The following NRG1 variants were observed in gnomAD, a reference collection of about 807,000 sequenced individuals.
The protein encoded by NRG1 is pro-neuregulin-1, membrane-bound isoform.
NRG1 carries 18 observed loss-of-function variants against 63.8 expected under a neutral mutation model. That is an observed-to-expected ratio of 0.28 (90% CI 0.19 to 0.42). The LOEUF is 0.42. Among genes scored for constraint, NRG1 ranks in the 10% least tolerant of loss-of-function variants. NRG1 has a pLI of 1.00. For synonymous variants in NRG1, 302 were observed against 301.3 expected, an observed-to-expected ratio of 1.00 and a Z score of -0.02; for missense variants, 762 against 814.7, an observed-to-expected ratio of 0.94 and a Z score of 0.79.
intron 1 of NRG1, among the ~76,000 whole-genome samples, chr8:32,144,309 A>G (rs1213290779): frequency 6.6e-6 from 1 of 152,218 alleles, no homozygotes; most frequent in Non-Finnish European, 1.5e-5. Flanking sequence ...TTAGTTACGG[A>G]TGTCACAAAT....
At chr8:32,353,844 A>G (rs1463831708) in intron 1 of NRG1, among the ~76,000 whole-genome samples, 9 of 152,210 alleles carry the variant, frequency 5.9e-5, no homozygotes, top group African/African-American at 2.2e-4. Context: ...ATGAAAGCCT[A>G]TGTCCATACA....
chr8:31,781,533 G>A (rs1416686059), intron 1 of NRG1, among the ~76,000 whole-genome samples: 2 of 152,144 alleles, frequency 1.3e-5, no homozygotes, highest in African/African-American at 2.4e-5. Context: ...TAAGGAGATG[G>A]CACTGGTCAT....
chr8:31,899,166 T>C (rs1831862876), intron 1 of NRG1, among the ~76,000 whole-genome samples: 1 of 151,928 alleles, frequency 6.6e-6, no homozygotes, highest in African/African-American at 2.4e-5. Context: ...TGCAGTGATG[T>C]GAACATAGCT....
intron 1 of NRG1, among the ~76,000 whole-genome samples, chr8:31,889,369 C>G (rs1004606089): frequency 6.6e-6 from 1 of 152,162 alleles, no homozygotes; most frequent in South Asian, 2.1e-4. Context: ...GAGGAGACTT[C>G]AAGTTTGTGG....
chr8:31,829,988 T>C (rs1824951138), intron 1 of NRG1, among the ~76,000 whole-genome samples: 1 of 152,240 alleles, frequency 6.6e-6, no homozygotes, highest in South Asian at 2.1e-4. Context: ...TGGTGGGGCA[T>C]AGTTCACTCC....
chr8:32,514,488 T>C (rs923598888), intron 1 of NRG1, among the ~76,000 whole-genome samples: 2 of 152,174 alleles, frequency 1.3e-5, no homozygotes, highest in Non-Finnish European at 2.9e-5. Flanking sequence ...GTTTTGATTA[T>C]GGTTGTATGG....
chr8:32,672,124 A>C (rs1692637524), intron 5 of NRG1, among the ~76,000 whole-genome samples: 1 of 151,724 alleles, frequency 6.6e-6, no homozygotes, highest in Non-Finnish European at 1.5e-5. Context: ...GGCTCACTGC[A>C]ACCTCCACCT....
intron 5 of NRG1, among the ~76,000 whole-genome samples, chr8:32,655,956 A>C (rs571655263): frequency 6.6e-6 from 1 of 152,258 alleles, no homozygotes; most frequent in Non-Finnish European, 1.5e-5. Context: ...GATTATGTTC[A>C]CCTTACTCTT....
intron 1 of NRG1, among the ~76,000 whole-genome samples, chr8:32,500,163 G>C (rs2129496421): frequency 6.6e-6 from 1 of 152,296 alleles, no homozygotes; most frequent in East Asian, 1.9e-4. Flanking sequence ...AGTGCAGCAA[G>C]AATAGTAATT....
At chr8:32,351,129 A>T (rs1014142389) in intron 1 of NRG1, among the ~76,000 whole-genome samples, 1 of 152,142 alleles carries the variant, frequency 6.6e-6, no homozygotes, top group Non-Finnish European at 1.5e-5. Flanking sequence ...TTTAGAGAAA[A>T]TATTTCATGC....
At chr8:32,749,588 T>C (rs3735778) in intron 7 of NRG1, 1 of 1,613,726 alleles carries the variant, frequency 6.2e-7, no homozygotes, top group East Asian at 2.2e-5. Flanking sequence ...TTTATGGGTA[T>C]GGACCAATCA....
intron 9 of NRG1, among the ~76,000 whole-genome samples, chr8:32,756,807 G>A (rs796516185): frequency 6.6e-6 from 1 of 152,164 alleles, no homozygotes; most frequent in African/African-American, 2.4e-5. Context: ...TGGGGCTTGC[G>A]TGGAGAGAGT....
chr8:31,809,140 G>A (rs912164545), intron 1 of NRG1, among the ~76,000 whole-genome samples: 1 of 151,622 alleles, frequency 6.6e-6, no homozygotes, highest in African/African-American at 2.4e-5. Flanking sequence ...TAATTCCCAT[G>A]TTTCTGTAAG....
intron 1 of NRG1, among the ~76,000 whole-genome samples, chr8:32,375,073 C>T (rs1409369839): frequency 1.3e-5 from 2 of 152,174 alleles, no homozygotes; most frequent in Non-Finnish European, 2.9e-5. Context: ...ACCTCCACTT[C>T]CCTGGCTCAA....
intron 1 of NRG1, among the ~76,000 whole-genome samples, chr8:32,255,938 C>T (rs1849654053): frequency 6.6e-6 from 1 of 152,178 alleles, no homozygotes; most frequent in Non-Finnish European, 1.5e-5. Flanking sequence ...ATCTCGTCTT[C>T]ATGCTTTATT....
intron 1 of NRG1, among the ~76,000 whole-genome samples, chr8:31,665,741 T>C (rs1306659038): frequency 1.3e-5 from 2 of 152,158 alleles, no homozygotes; most frequent in African/African-American, 4.8e-5. Context: ...CTCATGCTTG[T>C]GTTTTGTTGC....
At chr8:32,702,885 T>G (rs2128963340) in intron 5 of NRG1, among the ~76,000 whole-genome samples, 1 of 152,240 alleles carries the variant, frequency 6.6e-6, no homozygotes, top group African/African-American at 2.4e-5. Flanking sequence ...GTTTTTATTG[T>G]CTTACAGTCC....
intron 1 of NRG1, among the ~76,000 whole-genome samples, chr8:31,741,136 A>G (rs1339492190): frequency 6.6e-6 from 1 of 152,040 alleles, no homozygotes; most frequent in East Asian, 1.9e-4. Context: ...CAAATATCGC[A>G]TGTTCTCACT....
chr8:32,745,677 T>TGTGTGTGTGTTC (rs2129043666), intron 7 of NRG1, among the ~76,000 whole-genome samples: 2 of 151,804 alleles, frequency 1.3e-5, no homozygotes, highest in Admixed American at 1.3e-4. Flanking sequence ...GTGTGGGGGG[T>TGTGTGTGTGTTC]GTGTGTGTGT....
Sources: allele counts gnomAD v4.1 joint callset (sites outside exome capture counted in the v4.1 genomes callset), GRCh38; gene constraint gnomAD v4.1.1; transcripts MANE v1.5; gene names NCBI Gene and HGNC (gene_info 2026-07-23, HGNC 2026-07-21).